Variants in FOXP1 observed in about 807,000 individuals in gnomAD.
FOXP1 encodes the protein forkhead box protein P1.
In FOXP1, 15 loss-of-function variants were observed where a neutral mutation model predicts 98.2. That is an observed-to-expected ratio of 0.15 (90% CI 0.10 to 0.24). FOXP1 has a LOEUF of 0.24. FOXP1 is among the 10% of genes least tolerant of loss of function. The pLI, the probability that FOXP1 is intolerant of heterozygous loss-of-function variation, is 1.00. For synonymous variants in FOXP1, 371 were observed against 314.5 expected (o/e 1.18, Z -1.90); for missense variants, 633 against 848.5 (o/e 0.75, Z 3.15).
At chr3:71,344,415 C>T (rs185316394) in intron 4 of FOXP1, among the ~76,000 whole-genome samples, 22 of 152,318 alleles carry the variant, frequency 1.4e-4, no homozygotes, top group Admixed American at 1.4e-3. Flanking sequence ...TTTCTATCAA[C>T]AGACATAATT....
chr3:71,071,133 C>T (rs981413831), intron 7 of FOXP1, among the ~76,000 whole-genome samples: 4 of 152,156 alleles, frequency 2.6e-5, no homozygotes, highest in African/African-American at 9.7e-5. Context: ...AGAGTGACCA[C>T]ATAAAAGTCT....
At chr3:71,393,429 T>C (rs992294509) in intron 3 of FOXP1, among the ~76,000 whole-genome samples, 2 of 152,104 alleles carry the variant, frequency 1.3e-5, no homozygotes, top group Non-Finnish European at 2.9e-5. Context: ...TCATAAAATG[T>C]CACAATTTAT....
At chr3:71,279,333 G>T in intron 5 of FOXP1, among the ~76,000 whole-genome samples, 1 of 152,070 alleles carries the variant, frequency 6.6e-6, no homozygotes, top group Admixed American at 6.5e-5. Flanking sequence ...CTGGTAATTT[G>T]CCCTAAATTA....
intron 3 of FOXP1, among the ~76,000 whole-genome samples, chr3:71,407,031 G>C (rs2082396088): frequency 6.6e-6 from 1 of 152,084 alleles, no homozygotes; most frequent in African/African-American, 2.4e-5. Context: ...GTTCAATAAG[G>C]AAAGAGATAA....
chr3:71,316,063 C>A (rs993319822), intron 4 of FOXP1, among the ~76,000 whole-genome samples: 1 of 152,236 alleles, frequency 6.6e-6, no homozygotes, highest in East Asian at 1.9e-4. Context: ...CAAGAGAGGG[C>A]GGCTCTGCTC....
chr3:71,181,848 T>C (rs769184260), intron 6 of FOXP1, among the ~76,000 whole-genome samples: 5 of 151,856 alleles, frequency 3.3e-5, no homozygotes, highest in Non-Finnish European at 4.4e-5. Context: ...CTGGCTAACA[T>C]GGTGAAACCC....
chr3:71,436,627 T>C (rs543440766), intron 3 of FOXP1, among the ~76,000 whole-genome samples: 1 of 152,138 alleles, frequency 6.6e-6, no homozygotes, highest in Admixed American at 6.5e-5. Flanking sequence ...CTTATAATAC[T>C]AACAAGAAAA....
At chr3:71,219,978 G>A (rs761074879) in intron 5 of FOXP1, among the ~76,000 whole-genome samples, 13 of 152,200 alleles carry the variant, frequency 8.5e-5, no homozygotes, top group Non-Finnish European at 1.3e-4. Flanking sequence ...CTACCTCTCC[G>A]CCTCCACCAT....
At chr3:71,190,017 G>A (rs903471218) in intron 6 of FOXP1, among the ~76,000 whole-genome samples, 3 of 152,208 alleles carry the variant, frequency 2.0e-5, no homozygotes, top group South Asian at 2.1e-4. Context: ...CTGCAGTAGC[G>A]CTGTCATGGC....
intron 5 of FOXP1, among the ~76,000 whole-genome samples, chr3:71,212,563 T>C (rs906725882): frequency 6.6e-6 from 1 of 152,206 alleles, no homozygotes; most frequent in African/African-American, 2.4e-5. Context: ...GCCTGCCTTT[T>C]CTCACACCAT....
At chr3:71,569,030 C>T (rs2047131868) in intron 2 of FOXP1, among the ~76,000 whole-genome samples, 1 of 152,320 alleles carries the variant, frequency 6.6e-6, no homozygotes, top group South Asian at 2.1e-4. Flanking sequence ...GGGCTATTTA[C>T]ACTCTATGAG....
intron 5 of FOXP1, among the ~76,000 whole-genome samples, chr3:71,237,755 A>G (rs564411368): frequency 2.6e-5 from 4 of 152,368 alleles, no homozygotes; most frequent in African/African-American, 9.6e-5. Flanking sequence ...GTAAACACAT[A>G]TGGACCCACA....
At chr3:71,489,351 T>C (rs1477343009) in intron 3 of FOXP1, among the ~76,000 whole-genome samples, 2 of 152,186 alleles carry the variant, frequency 1.3e-5, no homozygotes, top group Non-Finnish European at 2.9e-5. Flanking sequence ...CAATGAATGT[T>C]GCGTGACGCT....
At chr3:71,428,519 T>C (rs1180067045) in intron 3 of FOXP1, among the ~76,000 whole-genome samples, 1 of 152,266 alleles carries the variant, frequency 6.6e-6, no homozygotes, top group East Asian at 1.9e-4. Flanking sequence ...AATCAGCTTA[T>C]TAGCAGAGAA....
chr3:71,380,860 T>A (rs1207765892), intron 3 of FOXP1, among the ~76,000 whole-genome samples: 3 of 152,174 alleles, frequency 2.0e-5, no homozygotes, highest in Non-Finnish European at 2.9e-5. Context: ...TTTCTGTTGT[T>A]GAGTCATAGA....
intron 6 of FOXP1, chr3:71,130,709 G>T: frequency 6.5e-7 from 1 of 1,539,178 alleles, no homozygotes; most frequent in Non-Finnish European, 8.7e-7. Flanking sequence ...ACCTCAGGGA[G>T]GTTTGCCTCC....
chr3:71,102,775 G>C (rs903410389), intron 7 of FOXP1, among the ~76,000 whole-genome samples: 10 of 152,152 alleles, frequency 6.6e-5, no homozygotes, highest in African/African-American at 2.4e-4. Context: ...TTCCCTGTTT[G>C]CGGGGCCCAG....
At chr3:71,444,364 T>G (rs971201128) in intron 3 of FOXP1, among the ~76,000 whole-genome samples, 3 of 144,976 alleles carry the variant, frequency 2.1e-5, no homozygotes, top group African/African-American at 5.0e-5. Flanking sequence ...CCTCAAACAA[T>G]CAAGGATTTT....
At chr3:71,061,488 T>C (rs2107270391) in intron 7 of FOXP1, among the ~76,000 whole-genome samples, 1 of 152,288 alleles carries the variant, frequency 6.6e-6, no homozygotes, top group East Asian at 1.9e-4. Flanking sequence ...AACTATCTAT[T>C]TGAGGCACTA....
Sources: gnomAD v4.1 joint callset for allele counts (sites outside exome capture counted in the v4.1 genomes callset) on GRCh38, gnomAD v4.1.1 for gene constraint, MANE v1.5 for transcripts, NCBI Gene and HGNC (gene_info 2026-07-23, HGNC 2026-07-21) for gene names.